The following USP34 variants were observed in gnomAD, a reference collection of about 807,000 sequenced individuals.
USP34 encodes ubiquitin carboxyl-terminal hydrolase 34.
USP34 carries 70 observed loss-of-function variants against 460.3 expected under a neutral mutation model. The ratio of observed to expected loss-of-function variants is 0.15; its 90% confidence interval spans 0.13 to 0.19. USP34 has a LOEUF of 0.19. Ranked by LOEUF, USP34 falls within the 10% of genes least tolerant of loss-of-function variation. The pLI is 1.00. For missense variants in USP34, 3,985 were observed against 4,236.2 expected (o/e 0.94, Z 1.65); for synonymous variants, 1,647 against 1,405.3 (o/e 1.17, Z -3.85).
At chr2:61,427,631 A>G (rs1451941937) in intron 1 of USP34, among the ~76,000 whole-genome samples, 1 of 152,226 alleles carries the variant, frequency 6.6e-6, no homozygotes. Flanking sequence ...TAACTTTAAC[A>G]AAGATTAAAA....
At chr2:61,397,358 G>A (rs1194383426) in intron 3 of USP34, among the ~76,000 whole-genome samples, 1 of 151,456 alleles carries the variant, frequency 6.6e-6, no homozygotes, top group Non-Finnish European at 1.5e-5. Flanking sequence ...CAGGAGAACT[G>A]CTTGAACCCA....
intron 10 of USP34, among the ~76,000 whole-genome samples, chr2:61,367,805 A>G (rs1238571952): frequency 6.6e-6 from 1 of 152,148 alleles, no homozygotes; most frequent in Non-Finnish European, 1.5e-5. Flanking sequence ...GAAAAAGAGT[A>G]TCATACTTTG....
chr2:61,209,551 C>G (rs181282962), intron 69 of USP34, among the ~76,000 whole-genome samples: 3 of 152,322 alleles, frequency 2.0e-5, no homozygotes, highest in African/African-American at 7.2e-5. Context: ...CAATGCATTA[C>G]CCACATGTCT....
At chr2:61,357,409 A>T (rs1692140285) in intron 10 of USP34, among the ~76,000 whole-genome samples, 1 of 152,222 alleles carries the variant, frequency 6.6e-6, no homozygotes, top group South Asian at 2.1e-4. Context: ...TAGAATGCAG[A>T]AAGAACAATG....
At chr2:61,377,948 G>A (rs1050824110) in intron 8 of USP34, among the ~76,000 whole-genome samples, 3 of 152,212 alleles carry the variant, frequency 2.0e-5, no homozygotes, top group Non-Finnish European at 4.4e-5. Context: ...GGAGACTGAG[G>A]CAAGTGGATG....
chr2:61,188,101 G>A lies in USP34; in HGVS notation c.*1C>T, dbSNP rs757429225. ...TAAAAGTAGACATGCTACACCTAAT[G>A]TCAAGAAGCAGCTTGGTTTCCTTTG... is the stretch of plus-strand genomic sequence containing the variant. On this transcript the variant is annotated 3_prime_UTR_variant, in exon 80 of 80. Transcript: ENST00000398571. 11 of 1,610,984 alleles carry A rather than the reference G, an allele frequency of 6.8e-6. No homozygotes were observed. The highest frequency in any genetic ancestry group is 9.3e-6 in the Non-Finnish European group (11 of 1,178,192).
intron 27 of USP34, among the ~76,000 whole-genome samples, chr2:61,307,356 C>G (rs922311326): frequency 6.6e-6 from 1 of 151,646 alleles, no homozygotes; most frequent in Admixed American, 6.6e-5. Flanking sequence ...AGGAGATATA[C>G]CTAATGTAAA....
At position 61,221,511 on chromosome 2, in the gene USP34, C is replaced by A; in HGVS notation, c.7890G>T (p.Arg2630Ser). ...MPPFASYILQRIWEVIEYNPS... is the reference protein window; with the variant it reads ...MPPFASYILQSIWEVIEYNPS... The stretch of plus-strand genomic sequence containing the variant: ...CTGCTGCAAGACTTACCTCCCATAT[C>A]CTCTGCAGAATATAAGATGCAAAGG... Residue 2630 changes from arginine (R) to serine (S), a missense_variant, in exon 66 of 80, where the codon AGG (arginine) becomes AGT (serine). Transcript: ENST00000398571. 1 of 1,613,656 alleles carries A rather than the reference C, an allele frequency of 6.2e-7. No homozygotes were observed. The highest frequency in any genetic ancestry group is 8.5e-7 in the Non-Finnish European group (1 of 1,179,740).
chr2:61,211,312 T>A (rs576596510), intron 69 of USP34, among the ~76,000 whole-genome samples: 1 of 152,350 alleles, frequency 6.6e-6, no homozygotes, highest in East Asian at 1.9e-4. Context: ...CCTGTAACCA[T>A]TCAATAACTT....
intron 1 of USP34, among the ~76,000 whole-genome samples, chr2:61,446,286 CCTT>C (rs1303530917): frequency 5.9e-5 from 9 of 151,968 alleles, no homozygotes; most frequent in Admixed American, 5.9e-4. Flanking sequence ...ATGGCTGTAT[CCTT>C]CTAAGTGCTT....
At chr2:61,401,830 T>G (rs1348114888) in intron 3 of USP34, among the ~76,000 whole-genome samples, 2 of 150,570 alleles carry the variant, frequency 1.3e-5, no homozygotes, top group Non-Finnish European at 3.0e-5. Flanking sequence ...AGTGCTGGGA[T>G]TACAGGCATG....
chr2:61,271,610 A>T (rs1000353937), intron 41 of USP34, among the ~76,000 whole-genome samples: 4 of 152,156 alleles, frequency 2.6e-5, no homozygotes, highest in African/African-American at 9.6e-5. Context: ...AAAGGAAGAA[A>T]AAGGAAGGGA....
chr2:61,239,326 A>T (rs1356235094), intron 53 of USP34, among the ~76,000 whole-genome samples: 6 of 151,368 alleles, frequency 4.0e-5, no homozygotes, highest in Admixed American at 1.3e-4. Flanking sequence ...ACACACACAC[A>T]CACACACACA....
intron 10 of USP34, 48 bp from the exon 11 acceptor site, chr2:61,350,741 A>G (rs1256062027): frequency 6.3e-7 from 1 of 1,576,514 alleles, no homozygotes; most frequent in Non-Finnish European, 8.6e-7. Flanking sequence ...TGCCCAATAC[A>G]TGTAGATTAC....
chr2:61,235,005 ATTGTT>A (rs1049269050), intron 57 of USP34, among the ~76,000 whole-genome samples: 8 of 152,160 alleles, frequency 5.3e-5, no homozygotes, highest in Non-Finnish European at 1.2e-4. Context: ...ATAATATTGT[ATTGTT>A]TTGAGACAAA....
chr2:61,446,834 C>T (rs1188646117), intron 1 of USP34, among the ~76,000 whole-genome samples: 1 of 151,914 alleles, frequency 6.6e-6, no homozygotes, highest in African/African-American at 2.4e-5. Context: ...CTACTTTACC[C>T]TCTGAGTAGA....
Position 61,188,621 on chromosome 2 carries a change from T to G in USP34, c.10122A>C (p.Thr3374=), listed in dbSNP as rs375412204. Residue 3374 remains threonine, a synonymous_variant, in exon 80 of 80, where the codon ACA becomes ACC. Transcript: ENST00000398571. ...TVDSCISDMK[T]ETREVLTPTS... ...TTGGGGTCAGGACCTCCCTGGTTTC[T>G]GTTTTCATGTCACTGATGCAGCTGT... 75 of 1,614,232 alleles carry G rather than the reference T, an allele frequency of 4.6e-5. No individual in the cohort carries two copies. Among genetic ancestry groups the G allele is most frequent in the Non-Finnish European group, 4.9e-5 (58 of 1,180,042 alleles).
At chr2:61,388,616 CATG>C (rs1558565372) in intron 5 of USP34, among the ~76,000 whole-genome samples, 2 of 151,944 alleles carry the variant, frequency 1.3e-5, no homozygotes, top group African/African-American at 4.8e-5. Context: ...ATTAGCCAGG[CATG>C]GTGGTGGGCG....
At chr2:61,411,277 G>A (rs1429422816) in intron 2 of USP34, among the ~76,000 whole-genome samples, 1 of 151,632 alleles carries the variant, frequency 6.6e-6, no homozygotes, top group African/African-American at 2.4e-5. Flanking sequence ...AGCTACACAG[G>A]AGGCAAAGAT....
Sources: allele counts gnomAD v4.1 joint callset (sites outside exome capture counted in the v4.1 genomes callset), GRCh38; gene constraint gnomAD v4.1.1; transcripts MANE v1.5; gene names NCBI Gene and HGNC (gene_info 2026-07-23, HGNC 2026-07-21).